The following GSK3B variants were observed in gnomAD, a reference collection of about 807,000 sequenced individuals.
GSK3B encodes glycogen synthase kinase 3 beta, also known as glycogen synthase kinase-3 beta.
GSK3B carries 15 observed loss-of-function variants against 56.4 expected under a neutral mutation model. That is an observed-to-expected ratio of 0.27 (90% CI 0.18 to 0.41). The LOEUF (loss-of-function observed/expected upper bound fraction) is 0.41. Ranked by LOEUF, GSK3B falls within the 10% of genes least tolerant of loss-of-function variation. The pLI, the probability that GSK3B is intolerant of heterozygous loss-of-function variation, is 1.00. For synonymous variants in GSK3B, 181 were observed against 188.9 expected (o/e 0.96, Z 0.34); for missense variants, 300 against 513.4 (o/e 0.58, Z 4.02).
At chr3:119,880,731 C>G (rs758885452) in intron 7 of GSK3B, among the ~76,000 whole-genome samples, 1 of 152,124 alleles carries the variant, frequency 6.6e-6, no homozygotes, top group Non-Finnish European at 1.5e-5. Flanking sequence ...ATTATTAACA[C>G]TTATTCTAAC....
chr3:120,071,476 T>C (rs1157378529), intron 1 of GSK3B, among the ~76,000 whole-genome samples: 2 of 152,182 alleles, frequency 1.3e-5, no homozygotes, highest in Admixed American at 6.5e-5. Context: ...TTGCTCACAT[T>C]ACCACCTGAG....
chr3:119,913,080 A>G (rs1367054115), intron 5 of GSK3B, among the ~76,000 whole-genome samples: 1 of 152,110 alleles, frequency 6.6e-6, no homozygotes, highest in Non-Finnish European at 1.5e-5. Flanking sequence ...TAAGTGTTGA[A>G]TTTCTTCTGA....
At chr3:120,050,335 A>C (rs2058138579) in intron 1 of GSK3B, among the ~76,000 whole-genome samples, 1 of 152,238 alleles carries the variant, frequency 6.6e-6, no homozygotes, top group South Asian at 2.1e-4. Flanking sequence ...ATGCTGAAAA[A>C]CAAACCATAT....
intron 1 of GSK3B, among the ~76,000 whole-genome samples, chr3:120,017,662 G>A (rs1054949914): frequency 6.6e-6 from 1 of 152,156 alleles, no homozygotes; most frequent in Non-Finnish European, 1.5e-5. Context: ...GAGGAGAGAG[G>A]ACAGGATTTG....
chr3:119,868,080 C>T (rs2056205500), intron 8 of GSK3B, among the ~76,000 whole-genome samples: 1 of 141,490 alleles, frequency 7.1e-6, no homozygotes, highest in South Asian at 2.4e-4. Flanking sequence ...ATAAATAAAA[C>T]AGAACAAAAT....
intron 2 of GSK3B, among the ~76,000 whole-genome samples, chr3:119,987,682 C>T (rs2057529258): frequency 6.6e-6 from 1 of 152,022 alleles, no homozygotes; most frequent in African/African-American, 2.4e-5. Context: ...AAAAATCTTA[C>T]CTTATGGTCA....
At chr3:120,033,784 G>A (rs1037558593) in intron 1 of GSK3B, among the ~76,000 whole-genome samples, 11 of 151,814 alleles carry the variant, frequency 7.2e-5, no homozygotes, top group African/African-American at 2.2e-4. Context: ...TTGCTTGCTC[G>A]CTCGCTCTCT....
At chr3:119,916,376 A>C (rs1033952180) in intron 4 of GSK3B, among the ~76,000 whole-genome samples, 1 of 152,182 alleles carries the variant, frequency 6.6e-6, no homozygotes, top group Admixed American at 6.6e-5. Flanking sequence ...ACTGTCATTA[A>C]CCATATGTAC....
rs533550004 is a variant in GSK3B at position 120,057,605 on chromosome 3, A to G, written c.88+35742T>C. ...TTGATTCCTGTGGAAAGATAGATAT[A>G]TATTAAAAGTTCAAAATAAGCAGTT... On this transcript the variant is annotated intron_variant, in intron 1 of 10. Transcript: ENST00000264235. 5.3e-5 allele frequency among the ~76,000 whole-genome samples: 8 copies of G among 152,332 alleles called. No homozygotes were observed. In the South Asian group the frequency reaches 1.2e-3, roughly 24 times the overall value.
chr3:120,054,754 T>C (rs977277402), intron 1 of GSK3B, among the ~76,000 whole-genome samples: 1 of 151,872 alleles, frequency 6.6e-6, no homozygotes, highest in Admixed American at 6.5e-5. Flanking sequence ...TCCAAATGGC[T>C]TCCACAAATC....
chr3:120,016,951 C>T (rs544190722), intron 1 of GSK3B, among the ~76,000 whole-genome samples: 4 of 152,204 alleles, frequency 2.6e-5, no homozygotes, highest in East Asian at 1.9e-4. Context: ...AATTTCAAGA[C>T]GTAATTTAGA....
chr3:120,023,081 T>C (rs542488579), intron 1 of GSK3B, among the ~76,000 whole-genome samples: 8 of 152,200 alleles, frequency 5.3e-5, no homozygotes, highest in Non-Finnish European at 4.4e-5. Context: ...CATCTCCTAC[T>C]GTTAACTACC....
At chr3:119,968,600 A>G (rs921715577) in intron 2 of GSK3B, among the ~76,000 whole-genome samples, 2 of 152,358 alleles carry the variant, frequency 1.3e-5, no homozygotes, top group South Asian at 4.1e-4. Context: ...ATTCAAATTT[A>G]CTTCTTCAGC....
At chr3:120,044,256 C>G (rs569385967) in intron 1 of GSK3B, among the ~76,000 whole-genome samples, 1 of 152,326 alleles carries the variant, frequency 6.6e-6, no homozygotes, top group African/African-American at 2.4e-5. Flanking sequence ...CACCTTGTGT[C>G]TCTCACGGAA....
At chr3:119,908,440 ACCTTT>A (rs1234361503) in intron 6 of GSK3B, among the ~76,000 whole-genome samples, 3 of 152,082 alleles carry the variant, frequency 2.0e-5, no homozygotes, top group African/African-American at 7.2e-5. Flanking sequence ...AAAGAATACC[ACCTTT>A]CATTTCTACA....
At chr3:119,953,263 T>C (rs979674065) in intron 2 of GSK3B, among the ~76,000 whole-genome samples, 3 of 150,520 alleles carry the variant, frequency 2.0e-5, no homozygotes, top group Non-Finnish European at 4.4e-5. Flanking sequence ...ACACAGAAGA[T>C]AGTAACGAAG....
intron 8 of GSK3B, among the ~76,000 whole-genome samples, chr3:119,875,038 G>A (rs1490564262): frequency 1.3e-5 from 2 of 151,992 alleles, no homozygotes; most frequent in Admixed American, 1.3e-4. Context: ...TGAATACAAA[G>A]ATCAAAGAAC....
At position 119,846,532 on chromosome 3, in the gene GSK3B, GA is replaced by G. The variant is rs1375494841; in HGVS notation, c.1097-3180del. Among the ~76,000 whole-genome samples the G allele has an allele frequency of 5.9e-5, 9 of 152,106 alleles. No homozygotes were observed. In the East Asian group the frequency reaches 1.2e-3, roughly 20 times the overall value. On this transcript the variant is annotated intron_variant, in intron 9 of 10. Transcript: ENST00000264235. ...ATATTTATGTGGCCAACAAACATATGAAAAAAAGCTCATCATCGCTGATTAT... is the reference window on the plus strand; with the variant it reads ...ATATTTATGTGGCCAACAAACATATGAAAAAAGCTCATCATCGCTGATTAT...
chr3:120,070,206 C>A, intron 1 of GSK3B, among the ~76,000 whole-genome samples: 1 of 145,394 alleles, frequency 6.9e-6, no homozygotes, highest in Non-Finnish European at 1.5e-5. Flanking sequence ...AGCAAGACTC[C>A]ATCTCAAAAA....
Sources: allele counts gnomAD v4.1 joint callset (sites outside exome capture counted in the v4.1 genomes callset), GRCh38; gene constraint gnomAD v4.1.1; transcripts MANE v1.5; gene names NCBI Gene and HGNC (gene_info 2026-07-23, HGNC 2026-07-21).